Variants in ACOT12 observed in about 807,000 individuals in gnomAD.
ACOT12 encodes acyl-CoA thioesterase 12, also known as acetyl-coenzyme A thioesterase.
A neutral mutation model predicts 67.7 loss-of-function variants in ACOT12; 51 were observed. The observed-to-expected ratio is 0.75, with a 90% CI of 0.60 to 0.95. ACOT12 has a LOEUF of 0.95. Among genes scored for constraint, ACOT12 ranks in the 40% least tolerant of loss-of-function variants. The probability of loss-of-function intolerance (pLI) is 0.00; values close to 1 mark genes in which losing one functional copy is unlikely to be tolerated. For synonymous variants in ACOT12, 251 were observed against 244.6 expected, an observed-to-expected ratio of 1.03 and a Z score of -0.24; for missense variants, 734 against 708.1, an observed-to-expected ratio of 1.04 and a Z score of -0.41.
At chr5:81,391,349 C>T (rs560905705) in intron 1 of ACOT12, among the ~76,000 whole-genome samples, 2 of 152,336 alleles carry the variant, frequency 1.3e-5, no homozygotes, top group East Asian at 3.9e-4. Flanking sequence ...TGGGAGCAGA[C>T]TGGCATTTTC....
intron 2 of ACOT12, among the ~76,000 whole-genome samples, chr5:81,374,846 A>C (rs1760361083): frequency 6.6e-6 from 1 of 152,220 alleles, no homozygotes; most frequent in Admixed American, 6.5e-5. Flanking sequence ...CTATGTGAAA[A>C]GACTAAATCT....
In ACOT12 at chr5:81,339,022, G is replaced by C. The variant is rs756703395; in HGVS notation, c.1129-3121C>G. ...CTGGAACCCAGGAGGGGGAGTTGTA[G>C]TGAACCGAGATCACACCACTGCACT... On this transcript the variant is annotated intron_variant, in intron 11 of 14. Coordinates refer to ENST00000307624, the MANE Select transcript of ACOT12 (RefSeq NM_130767.3). Among the ~76,000 whole-genome samples, 5 of 151,974 alleles carry C rather than the reference G, an allele frequency of 3.3e-5. No homozygotes were observed. The South Asian group carries it at 8.3e-4, about 25-fold the overall frequency.
At chr5:81,387,524 TTGAG>T (rs1320973567) in intron 1 of ACOT12, among the ~76,000 whole-genome samples, 1 of 151,174 alleles carries the variant, frequency 6.6e-6, no homozygotes, top group East Asian at 1.9e-4. Flanking sequence ...CATGAGTATC[TTGAG>T]TATCTTTTTT....
Position 81,363,809 on chromosome 5 carries a change from G to T in ACOT12, c.339C>A (p.Ala113=). Residue 113 remains alanine, a synonymous_variant, in exon 4 of 15, where the codon GCC becomes GCA. Transcript: ENST00000307624. ...TTACCTTTTCTTTTCCAACTGGTTT[G>T]GCTACAAATGTGGAGAAAGCCACAC... ...LVSVAFSTFV[A]KPVGKEKIHL... is the part of the protein sequence containing the mutation. 1 of 1,609,570 alleles carries T rather than the reference G, an allele frequency of 6.2e-7. No individual in the cohort carries two copies.
chr5:81,368,371 C>T (rs1302817161), intron 3 of ACOT12, among the ~76,000 whole-genome samples: 2 of 152,122 alleles, frequency 1.3e-5, no homozygotes, highest in African/African-American at 2.4e-5. Flanking sequence ...CTGCAGAATA[C>T]TTCATTGACT....
In ACOT12 at chr5:81,377,151, C is replaced by T. The variant is rs1310893175; in HGVS notation, c.198-5341G>A. ...AAAAGCTTATCCACCACAATCAAGT[C>T]AGCTTCATCCCTGGGATGCAAGGCT... On this transcript the variant is annotated intron_variant, in intron 2 of 14. Coordinates refer to ENST00000307624, the MANE Select transcript of ACOT12 (RefSeq NM_130767.3). 4.6e-5 allele frequency among the ~76,000 whole-genome samples: 7 copies of T among 152,156 alleles called. No individual in the cohort carries two copies. The East Asian group carries it at 1.2e-3, about 25-fold the overall frequency.
intron 5 of ACOT12, among the ~76,000 whole-genome samples, chr5:81,355,364 T>C (rs918657288): frequency 5.9e-5 from 9 of 152,210 alleles, no homozygotes; most frequent in African/African-American, 2.2e-4. Flanking sequence ...ATAGACCTGT[T>C]ACAGTACTAT....
chr5:81,385,779 T>A lies in ACOT12; in HGVS notation c.175A>T (p.Ile59Leu), dbSNP rs1760709888. 11 of 1,613,998 alleles carry A rather than the reference T, an allele frequency of 6.8e-6. No individual in the cohort carries two copies. Among genetic ancestry groups the A allele is most frequent in the Non-Finnish European group, 9.3e-6 (11 of 1,180,014 alleles). ...TACCTAGCTGTCTCCTCAAACTGTA[T>A]GTCATCCACTGAGGCTGTAACGCAG... ...VSCVTASVDDIQFEETARVGQ... is the reference protein window; with the variant it reads ...VSCVTASVDDLQFEETARVGQ... The change falls in exon 2 of 15, where the codon ATA (isoleucine) becomes TTA (leucine). Residue 59 changes from isoleucine to leucine, a missense_variant. Physicochemically the swap from Ile to Leu is conservative, Grantham distance 5. Coordinates refer to ENST00000307624, the MANE Select transcript of ACOT12 (RefSeq NM_130767.3).
At chr5:81,382,789 T>C (rs1760621472) in intron 2 of ACOT12, among the ~76,000 whole-genome samples, 1 of 148,252 alleles carries the variant, frequency 6.7e-6, no homozygotes, top group African/African-American at 2.5e-5. Context: ...GTGACAACAG[T>C]AAAACTCTGT....
intron 3 of ACOT12, among the ~76,000 whole-genome samples, chr5:81,369,616 G>A (rs1256716930): frequency 6.6e-6 from 1 of 152,224 alleles, no homozygotes; most frequent in Non-Finnish European, 1.5e-5. Flanking sequence ...GGCCTGGAAA[G>A]TCAGTGGAGG....
chr5:81,372,307 G>A (rs1243314440), intron 2 of ACOT12, among the ~76,000 whole-genome samples: 1 of 152,092 alleles, frequency 6.6e-6, no homozygotes, highest in Non-Finnish European at 1.5e-5. Flanking sequence ...TTGAAACTTC[G>A]ATCATGTAAC....
At chr5:81,318,020 C>T in the ACOT12 span, among the ~76,000 whole-genome samples, 16 of 151,698 alleles carry the variant, frequency 1.1e-4, no homozygotes, top group South Asian at 6.3e-4. Flanking sequence ...GTAGCTGGGA[C>T]TACAGGCATG....
At chr5:81,309,836 C>A in the ACOT12 span, among the ~76,000 whole-genome samples, 18 of 152,192 alleles carry the variant, frequency 1.2e-4, no homozygotes, top group Non-Finnish European at 2.5e-4. Flanking sequence ...CAATTTTAAT[C>A]TCTTGGAAAT....
Position 81,330,793 on chromosome 5 carries a change from CAGA to C in ACOT12, c.1518+18_1518+20del, listed in dbSNP as rs767654493. The stretch of plus-strand genomic sequence containing the variant: ...CTATCTGGCAGAGCCAATTAATCTG[CAGA>C]TGTTTCATCAAACTTACGATGCATG... On this transcript the variant is annotated intron_variant, in intron 14 of 14. Coordinates refer to ENST00000307624, the MANE Select transcript of ACOT12 (RefSeq NM_130767.3). The C allele has an allele frequency of 6.2e-7, 1 of 1,608,294 alleles. No individual in the cohort carries two copies. The highest frequency in any genetic ancestry group is 2.2e-5 in the East Asian group (1 of 44,840).
At chr5:81,392,076 A>G (rs1423458148) in intron 1 of ACOT12, among the ~76,000 whole-genome samples, 3 of 152,332 alleles carry the variant, frequency 2.0e-5, no homozygotes, top group Admixed American at 1.3e-4. Flanking sequence ...TAATGGGGCC[A>G]CTGACAGAAG....
intron 11 of ACOT12, among the ~76,000 whole-genome samples, chr5:81,340,553 T>C (rs1426013589): frequency 6.6e-6 from 1 of 151,826 alleles, no homozygotes; most frequent in African/African-American, 2.4e-5. Context: ...GTAGAGACAG[T>C]GTTTCACCAT....
the ACOT12 span, among the ~76,000 whole-genome samples, chr5:81,321,109 A>G: frequency 6.6e-6 from 1 of 152,170 alleles, no homozygotes; most frequent in Non-Finnish European, 1.5e-5. Context: ...TACAAAATTC[A>G]GCAGAACGTG....
the ACOT12 span, among the ~76,000 whole-genome samples, chr5:81,319,487 G>T: frequency 2.6e-5 from 4 of 152,198 alleles, no homozygotes; most frequent in Non-Finnish European, 5.9e-5. Flanking sequence ...GGAGGCCAAG[G>T]CGGGCGGATT....
chr5:81,326,704 C>T (rs974447949), downstream of ACOT12, among the ~76,000 whole-genome samples: 2 of 152,180 alleles, frequency 1.3e-5, no homozygotes, highest in Non-Finnish European at 2.9e-5. Flanking sequence ...AGCAAACAAG[C>T]CAGGCCTCCT....
Sources: allele counts gnomAD v4.1 joint callset (sites outside exome capture counted in the v4.1 genomes callset), GRCh38; gene constraint gnomAD v4.1.1; transcripts MANE v1.5; gene names NCBI Gene and HGNC (gene_info 2026-07-23, HGNC 2026-07-21).